CA10: variants seen among roughly 807,000 people sequenced by gnomAD.
CA10 encodes carbonic anhydrase 10 (inactive).
In CA10, 14 loss-of-function variants were observed where a neutral mutation model predicts 44.2. That is an observed-to-expected ratio of 0.32 (90% CI 0.21 to 0.50). The LOEUF is 0.50. Ranked by LOEUF, CA10 falls within the 20% of genes least tolerant of loss-of-function variation. The pLI, the probability that CA10 is intolerant of heterozygous loss-of-function variation, is 0.99. For synonymous variants in CA10, 159 were observed against 141.6 expected (o/e 1.12, Z -0.87); for missense variants, 350 against 409.7 (o/e 0.85, Z 1.26).
chr17:51,749,276 C>T (rs961656632), intron 3 of CA10, among the ~76,000 whole-genome samples: 3 of 152,254 alleles, frequency 2.0e-5, no homozygotes, highest in African/African-American at 7.2e-5. Context: ...CGAGTCTGGG[C>T]TGGCCTTGTC....
At chr17:51,764,614 A>G (rs533869349) in intron 3 of CA10, among the ~76,000 whole-genome samples, 2 of 152,272 alleles carry the variant, frequency 1.3e-5, no homozygotes, top group South Asian at 4.1e-4. Context: ...CCAAGAATCT[A>G]GGTTGCAGAG....
chr17:51,865,789 G>T (rs1004605794), intron 3 of CA10, among the ~76,000 whole-genome samples: 1 of 152,142 alleles, frequency 6.6e-6, no homozygotes, highest in South Asian at 2.1e-4. Flanking sequence ...CATCTATGAT[G>T]TTAGGCTGCC....
chr17:52,119,652 A>G (rs1222459030), intron 1 of CA10, among the ~76,000 whole-genome samples: 1 of 152,202 alleles, frequency 6.6e-6, no homozygotes. Flanking sequence ...ATCAAAGCCA[A>G]TCTGAAAGGC....
chr17:52,044,669 A>G, intron 2 of CA10, among the ~76,000 whole-genome samples: 3 of 152,270 alleles, frequency 2.0e-5, no homozygotes, highest in Admixed American at 2.0e-4. Context: ...GACATAAAAA[A>G]TTTAAATATC....
chr17:51,763,924 G>A (rs1905283919), intron 3 of CA10, among the ~76,000 whole-genome samples: 1 of 151,010 alleles, frequency 6.6e-6, no homozygotes, highest in Non-Finnish European at 1.5e-5. Context: ...CCTCCTCTCT[G>A]TCCCCCAGAC....
chr17:51,929,952 G>A (rs1982585402), intron 3 of CA10, among the ~76,000 whole-genome samples: 1 of 152,144 alleles, frequency 6.6e-6, no homozygotes, highest in African/African-American at 2.4e-5. Context: ...AACCTGCTTT[G>A]TGACCTGAGT....
chr17:51,688,137 G>A (rs764594836), intron 4 of CA10, among the ~76,000 whole-genome samples: 13 of 152,158 alleles, frequency 8.5e-5, no homozygotes, highest in Non-Finnish European at 1.6e-4. Flanking sequence ...GAGGCCTCCA[G>A]CCATCAGCCA....
At chr17:52,052,000 C>A (rs961622387) in intron 2 of CA10, among the ~76,000 whole-genome samples, 1 of 151,948 alleles carries the variant, frequency 6.6e-6, no homozygotes, top group Non-Finnish European at 1.5e-5. Flanking sequence ...GAGCTAGTAG[C>A]CATTATCCTT....
chr17:51,912,523 C>G (rs1037314568), intron 3 of CA10, among the ~76,000 whole-genome samples: 2 of 152,190 alleles, frequency 1.3e-5, no homozygotes, highest in Admixed American at 6.6e-5. Flanking sequence ...CCTGCCATTT[C>G]TCTTCTTCAT....
At chr17:51,959,095 A>G (rs1302505524) in intron 2 of CA10, among the ~76,000 whole-genome samples, 2 of 152,100 alleles carry the variant, frequency 1.3e-5, no homozygotes, top group Non-Finnish European at 2.9e-5. Context: ...AGAGACAGGA[A>G]ATGCTTCAAG....
At chr17:51,694,812 T>G (rs887017104) in intron 4 of CA10, among the ~76,000 whole-genome samples, 2 of 152,220 alleles carry the variant, frequency 1.3e-5, no homozygotes, top group Non-Finnish European at 2.9e-5. Flanking sequence ...CATTAATATA[T>G]CTTGAGTGAG....
At chr17:51,635,639 A>G (rs968405268) in intron 7 of CA10, among the ~76,000 whole-genome samples, 1 of 152,212 alleles carries the variant, frequency 6.6e-6, no homozygotes. Flanking sequence ...TCTTCCTCAC[A>G]TTCCGCTGAA....
chr17:51,983,643 A>G (rs1387158784), intron 2 of CA10, among the ~76,000 whole-genome samples: 1 of 151,814 alleles, frequency 6.6e-6, no homozygotes, highest in Non-Finnish European at 1.5e-5. Context: ...AAAGTCATAT[A>G]CAAAAGCAAA....
intron 3 of CA10, among the ~76,000 whole-genome samples, chr17:51,922,496 C>T (rs1982272552): frequency 6.6e-6 from 1 of 152,150 alleles, no homozygotes; most frequent in Non-Finnish European, 1.5e-5. Flanking sequence ...GGGCTTGATT[C>T]TCTGTGAAAC....
intron 3 of CA10, among the ~76,000 whole-genome samples, chr17:51,905,106 T>G (rs1981486093): frequency 6.6e-6 from 1 of 152,182 alleles, no homozygotes; most frequent in Non-Finnish European, 1.5e-5. Flanking sequence ...CTCTATATTC[T>G]CTTCATGATG....
chr17:52,016,511 A>G (rs753091272), intron 2 of CA10, among the ~76,000 whole-genome samples: 4 of 152,038 alleles, frequency 2.6e-5, no homozygotes, highest in Non-Finnish European at 4.4e-5. Context: ...GTTGGGGTCT[A>G]GTGGGAGGTG....
At chr17:52,010,392 G>A (rs898290469) in intron 2 of CA10, among the ~76,000 whole-genome samples, 1 of 151,794 alleles carries the variant, frequency 6.6e-6, no homozygotes, top group Non-Finnish European at 1.5e-5. Flanking sequence ...AATGTGCTGT[G>A]TGTGTGTATG....
intron 1 of CA10, among the ~76,000 whole-genome samples, chr17:52,105,497 T>C (rs943211171): frequency 8.5e-5 from 13 of 152,200 alleles, no homozygotes; most frequent in African/African-American, 1.2e-4. Context: ...CCTCGTGATC[T>C]GCCCGCCCTG....
At chr17:52,030,777 C>T in intron 2 of CA10, among the ~76,000 whole-genome samples, 1 of 152,166 alleles carries the variant, frequency 6.6e-6, no homozygotes, top group East Asian at 1.9e-4. Flanking sequence ...CTCTTCCTCT[C>T]TTGTTCTTGG....
Sources: gnomAD v4.1 joint callset for allele counts (sites outside exome capture counted in the v4.1 genomes callset) on GRCh38, gnomAD v4.1.1 for gene constraint, MANE v1.5 for transcripts, NCBI Gene and HGNC (gene_info 2026-07-23, HGNC 2026-07-21) for gene names.